RUNDC3B: variants seen among roughly 807,000 people sequenced by gnomAD.
The protein encoded by RUNDC3B is RUN domain-containing protein 3B.
A neutral mutation model predicts 58.4 loss-of-function variants in RUNDC3B; 33 were observed. The ratio of observed to expected loss-of-function variants is 0.56; its 90% CI spans 0.43 to 0.75. RUNDC3B has a LOEUF of 0.75. Among genes scored for constraint, RUNDC3B ranks in the 30% least tolerant of loss-of-function variants. The pLI, the probability that RUNDC3B is intolerant of heterozygous loss-of-function variation, is 0.00. For synonymous variants in RUNDC3B, 193 were observed against 195.2 expected (o/e 0.99, Z 0.10); for missense variants, 501 against 535.7 (o/e 0.94, Z 0.64).
chr7:87,751,822 A>T (rs1833011450), intron 6 of RUNDC3B, among the ~76,000 whole-genome samples: 1 of 152,162 alleles, frequency 6.6e-6, no homozygotes, highest in Non-Finnish European at 1.5e-5. Context: ...ATCTGCAAAC[A>T]GGGACAATTT....
Position 87,736,855 on chromosome 7 carries a change from CTATATATATATATA to C in RUNDC3B, c.459-2914_459-2901del, listed in dbSNP as rs1554479935. Among the ~76,000 whole-genome samples the C allele has an allele frequency of 5.1e-3, 184 of 36,216 alleles. 2 individuals carry two copies. Among genetic ancestry groups the C allele is most frequent in the Middle Eastern group, 0.024 (1 of 42 alleles). 23.8% of individuals were successfully genotyped at this position (36,216 alleles called of 152,430 possible). ...TATATGTATGTGTGTATATATATACCTATATATATATATATATATATATATATATATATATTTTT... is the reference window on the plus strand; with the variant it reads ...TATATGTATGTGTGTATATATATACCTATATATATATATATATATATTTTT... On this transcript the variant is annotated intron_variant, in intron 4 of 10. Transcript: ENST00000394654.
intron 8 of RUNDC3B, among the ~76,000 whole-genome samples, chr7:87,783,260 C>A (rs1835036197): frequency 6.6e-6 from 1 of 151,814 alleles, no homozygotes; most frequent in African/African-American, 2.4e-5. Flanking sequence ...CCGTAATGAC[C>A]TTCTTTGTCC....
intron 3 of RUNDC3B, among the ~76,000 whole-genome samples, chr7:87,709,776 T>C (rs1419130807): frequency 6.6e-6 from 1 of 152,216 alleles, no homozygotes; most frequent in Non-Finnish European, 1.5e-5. Context: ...TATTTAGTCT[T>C]CATGAAGTTT....
intron 2 of RUNDC3B, among the ~76,000 whole-genome samples, chr7:87,676,748 G>A (rs997664317): frequency 1.4e-4 from 20 of 140,840 alleles, no homozygotes; most frequent in Non-Finnish European, 2.3e-4. Context: ...CCTTTACCAT[G>A]TTCCATTACC....
At chr7:87,794,770 T>C (rs1330483978) in intron 8 of RUNDC3B, among the ~76,000 whole-genome samples, 1 of 152,118 alleles carries the variant, frequency 6.6e-6, no homozygotes, top group Non-Finnish European at 1.5e-5. Flanking sequence ...AAGCATGGTA[T>C]TGACATTAAA....
chr7:87,784,768 G>T (rs1269753004), intron 8 of RUNDC3B, among the ~76,000 whole-genome samples: 3 of 147,652 alleles, frequency 2.0e-5, no homozygotes, highest in African/African-American at 7.5e-5. Flanking sequence ...GATGTTGTTG[G>T]GGGGTAGAAG....
At chr7:87,755,654 T>C (rs549753142) in intron 6 of RUNDC3B, among the ~76,000 whole-genome samples, 8 of 152,268 alleles carry the variant, frequency 5.3e-5, no homozygotes, top group African/African-American at 1.9e-4. Flanking sequence ...GAAAAAGCTT[T>C]TGATAAAATT....
At chr7:87,798,492 C>G (rs1835934784) in intron 8 of RUNDC3B, among the ~76,000 whole-genome samples, 1 of 152,120 alleles carries the variant, frequency 6.6e-6, no homozygotes, top group Admixed American at 6.5e-5. Flanking sequence ...CCATTTTTGT[C>G]TAACTGAGGC....
rs1417230925 is a variant in RUNDC3B, at chr7:87,750,419, G to C, written c.629+8840G>C. The stretch of plus-strand genomic sequence containing the variant: ...AGTAATGGGATGGCTGGGTCAAATG[G>C]TGTTTCTAGTTCTAGATCCCTGAGG... On this transcript the variant is annotated intron_variant, in intron 6 of 10. Transcript: ENST00000394654. 4.6e-5 allele frequency among the ~76,000 whole-genome samples: 7 copies of C among 151,492 alleles called. No homozygotes were observed. In the East Asian group the frequency reaches 1.4e-3, roughly 29 times the overall value.
At chr7:87,631,194 T>C (rs1821177585) in intron 1 of RUNDC3B, among the ~76,000 whole-genome samples, 1 of 152,230 alleles carries the variant, frequency 6.6e-6, no homozygotes, top group African/African-American at 2.4e-5. Context: ...ATGGGGTCTA[T>C]ATGATAGGCT....
At chr7:87,772,329 A>T (rs1018456130) in intron 7 of RUNDC3B, among the ~76,000 whole-genome samples, 2 of 152,160 alleles carry the variant, frequency 1.3e-5, no homozygotes, top group Non-Finnish European at 2.9e-5. Flanking sequence ...AGAGTATGAA[A>T]GCAGAGCAGA....
intron 4 of RUNDC3B, among the ~76,000 whole-genome samples, chr7:87,724,677 G>T (rs1367034019): frequency 6.6e-6 from 1 of 151,878 alleles, no homozygotes; most frequent in African/African-American, 2.4e-5. Flanking sequence ...ATACAGCCAG[G>T]TTTCTTGTCA....
intron 2 of RUNDC3B, among the ~76,000 whole-genome samples, chr7:87,670,687 AGT>A (rs1472236514): frequency 6.6e-6 from 1 of 152,050 alleles, no homozygotes; most frequent in Non-Finnish European, 1.5e-5. Flanking sequence ...GGCTTTGTGC[AGT>A]GTCTTTATTT....
chr7:87,753,744 A>C (rs149295110), intron 6 of RUNDC3B, among the ~76,000 whole-genome samples: 17 of 152,256 alleles, frequency 1.1e-4, no homozygotes, highest in Admixed American at 3.9e-4. Context: ...TCCATCAGCA[A>C]ATTCTTTGTC....
Position 87,740,267 on chromosome 7 carries a change from G to A in RUNDC3B, c.548+387G>A, listed in dbSNP as rs192526388. Among the ~76,000 whole-genome samples, 174 of 151,926 alleles carry A rather than the reference G, an allele frequency of 1.1e-3. 2 individuals carry two copies. Among genetic ancestry groups the A allele is most frequent in the African/African-American group, 4.0e-3 (165 of 41,458 alleles). On this transcript the variant is annotated intron_variant, in intron 5 of 10. Coordinates refer to ENST00000394654, the MANE Select transcript of RUNDC3B (RefSeq NM_001134405.2). ...GCCAGAAAGATTCTCATTATCTCAC[G>A]TGTTGAGATAAGATCCTGAGAGGCT...
At chr7:87,798,346 C>G (rs1328020190) in intron 8 of RUNDC3B, among the ~76,000 whole-genome samples, 1 of 152,156 alleles carries the variant, frequency 6.6e-6, no homozygotes, top group Non-Finnish European at 1.5e-5. Flanking sequence ...CCTGACCTCC[C>G]CATAGGTCAC....
intron 8 of RUNDC3B, among the ~76,000 whole-genome samples, chr7:87,799,345 G>A (rs1835994268): frequency 6.6e-6 from 1 of 152,196 alleles, no homozygotes; most frequent in African/African-American, 2.4e-5. Context: ...GAGGTAGGCA[G>A]TTCTGTTTTC....
intron 3 of RUNDC3B, among the ~76,000 whole-genome samples, chr7:87,707,208 C>G (rs2130727578): frequency 6.6e-6 from 1 of 151,962 alleles, no homozygotes; most frequent in Middle Eastern, 3.4e-3. Flanking sequence ...TCAGGCACAT[C>G]AAGAAACAAG....
intron 1 of RUNDC3B, among the ~76,000 whole-genome samples, chr7:87,638,092 TTC>T (rs1419638623): frequency 2.6e-5 from 4 of 152,162 alleles, no homozygotes; most frequent in East Asian, 1.9e-4. Context: ...AACGTGATTT[TTC>T]TCTCTTTTGT....
Sources: allele counts gnomAD v4.1 joint callset (sites outside exome capture counted in the v4.1 genomes callset), GRCh38; gene constraint gnomAD v4.1.1; transcripts MANE v1.5; gene names NCBI Gene and HGNC (gene_info 2026-07-23, HGNC 2026-07-21).